The following TRHDE variants were observed in gnomAD, a reference collection of about 807,000 sequenced individuals.
The protein encoded by TRHDE is thyrotropin releasing hormone degrading enzyme.
Under a neutral mutation model 125.7 loss-of-function variants are expected in TRHDE, and 72 were observed. That is an observed-to-expected ratio of 0.57 (90% CI 0.47 to 0.70). The LOEUF (loss-of-function observed/expected upper bound fraction) is 0.70. TRHDE is among the 30% of genes least tolerant of loss of function. TRHDE has a pLI of 0.00. For synonymous variants in TRHDE, 509 were observed against 509.1 expected (o/e 1.00, Z 0.00); for missense variants, 1,110 against 1,327.1 (o/e 0.84, Z 2.54).
At chr12:72,424,751 T>C (rs1242329794) in intron 3 of TRHDE, among the ~76,000 whole-genome samples, 1 of 152,202 alleles carries the variant, frequency 6.6e-6, no homozygotes, top group Non-Finnish European at 1.5e-5. Flanking sequence ...TTATGTTTTC[T>C]GTCTCTTTAA....
intron 12 of TRHDE, among the ~76,000 whole-genome samples, chr12:72,616,734 G>T (rs1442115460): frequency 6.6e-6 from 1 of 152,014 alleles, no homozygotes; most frequent in Non-Finnish European, 1.5e-5. Context: ...TAATAAGTTA[G>T]CCACTTACTT....
Position 72,522,864 on chromosome 12 carries a change from C to T in TRHDE, c.1723-19427C>T, listed in dbSNP as rs533927876. 3.9e-5 allele frequency among the ~76,000 whole-genome samples: 6 copies of T among 152,204 alleles called. No individual in the cohort carries two copies. The East Asian group carries it at 7.8e-4, about 20-fold the overall frequency. On this transcript the variant is annotated intron_variant, in intron 6 of 18. Coordinates refer to ENST00000261180, the MANE Select transcript of TRHDE (RefSeq NM_013381.3). ...AGATCATGGAGAGTAATGAACATAC[C>T]TGCCTCTCCACATCCCCTGATGCAT...
chr12:72,595,658 T>G lies in TRHDE; in HGVS notation c.2321+20116T>G, dbSNP rs190498306. 2.6e-5 allele frequency among the ~76,000 whole-genome samples: 4 copies of G among 152,324 alleles called. No individual in the cohort carries two copies. In the East Asian group the frequency reaches 7.7e-4, roughly 29 times the overall value. ...CTGACTCTGGAATTAAGTATGAACA[T>G]AGTCTTAGCTTCAATAAAATATGTG... On this transcript the variant is annotated intron_variant, in intron 12 of 18. Transcript: ENST00000261180.
intron 2 of TRHDE, among the ~76,000 whole-genome samples, chr12:72,259,261 A>G (rs543633285): frequency 5.3e-5 from 8 of 152,190 alleles, no homozygotes; most frequent in African/African-American, 1.9e-4. Flanking sequence ...GTGGATTATA[A>G]TCCACTACTC....
chr12:72,275,990 T>C (rs1879474284), intron 1 of TRHDE, among the ~76,000 whole-genome samples: 1 of 152,200 alleles, frequency 6.6e-6, no homozygotes, highest in Non-Finnish European at 1.5e-5. Flanking sequence ...TCATTATTAT[T>C]ATTAGAGTAA....
intron 2 of TRHDE, among the ~76,000 whole-genome samples, chr12:72,336,612 C>T (rs1869840686): frequency 6.6e-6 from 1 of 152,106 alleles, no homozygotes; most frequent in Non-Finnish European, 1.5e-5. Flanking sequence ...ACAGTAGAAG[C>T]GTATTTGGCT....
At chr12:72,529,507 T>C (rs540579470) in intron 6 of TRHDE, among the ~76,000 whole-genome samples, 1 of 152,332 alleles carries the variant, frequency 6.6e-6, no homozygotes. Context: ...CTCTATTTTA[T>C]TTATCTTTGC....
chr12:72,276,560 T>C (rs758762591), intron 1 of TRHDE, among the ~76,000 whole-genome samples: 2 of 152,182 alleles, frequency 1.3e-5, no homozygotes, highest in Admixed American at 6.5e-5. Context: ...CTATATACCT[T>C]GGACCCCTGG....
At chr12:72,613,095 AT>A (rs1476956911) in intron 12 of TRHDE, among the ~76,000 whole-genome samples, 1 of 152,116 alleles carries the variant, frequency 6.6e-6, no homozygotes, top group Non-Finnish European at 1.5e-5. Flanking sequence ...ACCCTTGCCA[AT>A]TTTCTGACTA....
intron 2 of TRHDE, among the ~76,000 whole-genome samples, chr12:72,118,222 C>T (rs1399193782): frequency 6.6e-6 from 1 of 151,758 alleles, no homozygotes; most frequent in Non-Finnish European, 1.5e-5. Context: ...AGGTATGTTC[C>T]TTCTATACCC....
At chr12:72,227,551 C>T (rs1374940302) in intron 2 of TRHDE, among the ~76,000 whole-genome samples, 4 of 152,250 alleles carry the variant, frequency 2.6e-5, no homozygotes, top group South Asian at 2.1e-4. Context: ...CAAACAATAT[C>T]GTTCTGCCCC....
intron 3 of TRHDE, among the ~76,000 whole-genome samples, chr12:72,379,156 C>G (rs761878085): frequency 6.6e-6 from 1 of 152,200 alleles, no homozygotes; most frequent in Non-Finnish European, 1.5e-5. Flanking sequence ...AGGCCGCTTT[C>G]ATTAAAGTAC....
chr12:72,331,594 G>A (rs996703688), intron 2 of TRHDE, among the ~76,000 whole-genome samples: 3 of 152,202 alleles, frequency 2.0e-5, no homozygotes, highest in African/African-American at 7.2e-5. Context: ...GGCTGAGCAA[G>A]CTGGGCGAGA....
intron 5 of TRHDE, among the ~76,000 whole-genome samples, chr12:72,495,499 A>G (rs1877877738): frequency 6.6e-6 from 1 of 151,824 alleles, no homozygotes; most frequent in African/African-American, 2.4e-5. Flanking sequence ...TCAACAACCC[A>G]CTTTAATGTC....
intron 2 of TRHDE, among the ~76,000 whole-genome samples, chr12:72,114,388 T>A (rs963752800): frequency 2.0e-5 from 3 of 152,104 alleles, no homozygotes; most frequent in African/African-American, 7.2e-5. Flanking sequence ...CCAATAACAA[T>A]CAGTTGATCA....
At chr12:72,397,285 T>G (rs1366756329) in intron 3 of TRHDE, among the ~76,000 whole-genome samples, 1 of 152,198 alleles carries the variant, frequency 6.6e-6, no homozygotes, top group East Asian at 1.9e-4. Flanking sequence ...ATTCTCCACA[T>G]TTTCGCTGCT....
intron 2 of TRHDE, among the ~76,000 whole-genome samples, chr12:72,120,137 A>G (rs1592447818): frequency 6.6e-6 from 1 of 150,592 alleles, no homozygotes; most frequent in African/African-American, 2.4e-5. Flanking sequence ...TGCAATCCCC[A>G]CCTCCTGGGT....
intron 7 of TRHDE, among the ~76,000 whole-genome samples, chr12:72,551,649 G>T: frequency 6.6e-6 from 1 of 152,076 alleles, no homozygotes; most frequent in Middle Eastern, 3.2e-3. Context: ...CAGACATCAT[G>T]ATAAGTACCA....
chr12:72,662,728 A>C (rs2136118108), intron 18 of TRHDE, among the ~76,000 whole-genome samples: 1 of 152,268 alleles, frequency 6.6e-6, no homozygotes, highest in South Asian at 2.1e-4. Flanking sequence ...CCATCAACTG[A>C]TTTTGAAATG....
Sources: allele counts gnomAD v4.1 joint callset (sites outside exome capture counted in the v4.1 genomes callset), GRCh38; gene constraint gnomAD v4.1.1; transcripts MANE v1.5; gene names NCBI Gene and HGNC (gene_info 2026-07-23, HGNC 2026-07-21).